SPIDR: variants seen among roughly 807,000 people sequenced by gnomAD.
SPIDR encodes scaffold protein involved in DNA repair, also known as DNA repair-scaffolding protein.
In SPIDR, 93 loss-of-function variants were observed where a neutral mutation model predicts 104.6. The observed-to-expected ratio is 0.89, with a 90% CI of 0.75 to 1.06. The LOEUF is 1.06. Ranked by LOEUF, SPIDR falls within the 50% of genes least tolerant of loss-of-function variation. SPIDR has a pLI of 0.00. For synonymous variants in SPIDR, 431 were observed against 416.9 expected (o/e 1.03, Z -0.41); for missense variants, 1,154 against 1,111.2 (o/e 1.04, Z -0.55).
intron 14 of SPIDR, among the ~76,000 whole-genome samples, chr8:47,702,787 C>T (rs1201798064): frequency 6.6e-6 from 1 of 152,142 alleles, no homozygotes; most frequent in Non-Finnish European, 1.5e-5. Flanking sequence ...AGAGTGAGTG[C>T]CCCACACATT....
chr8:47,374,528 A>G (rs2058423586), intron 5 of SPIDR, among the ~76,000 whole-genome samples: 1 of 152,194 alleles, frequency 6.6e-6, no homozygotes, highest in African/African-American at 2.4e-5. Flanking sequence ...TTGCATATGT[A>G]GTTTTAAGTC....
At chr8:47,278,788 A>G (rs2037117486) in intron 1 of SPIDR, among the ~76,000 whole-genome samples, 1 of 152,088 alleles carries the variant, frequency 6.6e-6, no homozygotes, top group African/African-American at 2.4e-5. Context: ...TTTTTCCCTA[A>G]TAATAATTAT....
chr8:47,283,094 G>A (rs1333662493), intron 2 of SPIDR, among the ~76,000 whole-genome samples: 1 of 152,176 alleles, frequency 6.6e-6, no homozygotes, highest in African/African-American at 2.4e-5. Flanking sequence ...GATCTCAGGT[G>A]ATTTACTTGC....
intron 8 of SPIDR, among the ~76,000 whole-genome samples, chr8:47,492,454 AC>A (rs1308881114): frequency 6.6e-6 from 1 of 152,188 alleles, no homozygotes; most frequent in Non-Finnish European, 1.5e-5. Flanking sequence ...CACTTCTTGC[AC>A]CCTGCTGATT....
chr8:47,372,160 A>T (rs1213900850), intron 5 of SPIDR, among the ~76,000 whole-genome samples: 3 of 152,082 alleles, frequency 2.0e-5, no homozygotes, highest in African/African-American at 7.2e-5. Context: ...GATGTTTTTG[A>T]TGTATTTGCC....
At chr8:47,447,270 G>A (rs1388791259) in intron 8 of SPIDR, among the ~76,000 whole-genome samples, 8 of 152,184 alleles carry the variant, frequency 5.3e-5, no homozygotes, top group African/African-American at 1.9e-4. Context: ...CTGAAGCGCA[G>A]TGGCACAGTC....
intron 5 of SPIDR, among the ~76,000 whole-genome samples, chr8:47,358,658 C>G (rs184965275): frequency 2.6e-5 from 4 of 152,336 alleles, no homozygotes; most frequent in Non-Finnish European, 5.9e-5. Context: ...TATTTCTAAA[C>G]ATGGCATGGC....
chr8:47,593,205 T>A (rs2061262244), intron 8 of SPIDR, among the ~76,000 whole-genome samples: 1 of 152,086 alleles, frequency 6.6e-6, no homozygotes, highest in Non-Finnish European at 1.5e-5. Context: ...ACTTTTTTTT[T>A]AAGTCTGTTT....
At chr8:47,545,071 T>TTTTC (rs566816481) in intron 8 of SPIDR, among the ~76,000 whole-genome samples, 4,232 of 124,698 alleles carry the variant, frequency 0.034, 96 homozygotes, top group Middle Eastern at 0.063. Flanking sequence ...TCTTTTTATC[T>TTTTC]TTTCTTTCTT....
chr8:47,309,969 G>A (rs587642065), intron 5 of SPIDR, among the ~76,000 whole-genome samples: 7 of 151,508 alleles, frequency 4.6e-5, no homozygotes, highest in African/African-American at 1.7e-4. Context: ...AACCCGGGAG[G>A]CAGAGCTTGC....
In SPIDR at chr8:47,673,901, C is replaced by T. The variant is rs762683983; in HGVS notation, c.1645C>T (p.Leu549=). Residue 549 remains leucine, a synonymous_variant, in exon 11 of 20, where the codon CTG becomes TTG. Coordinates refer to ENST00000297423, the MANE Select transcript of SPIDR (RefSeq NM_001080394.4). ...ARQLEGKSCS[L]VGMKVLQKVT... The stretch of plus-strand genomic sequence containing the variant: ...ACAGTTGGAAGGGAAGTCTTGCAGC[C>T]TGGTGGGAATGAAGGTTCTACAGAA... 1.2e-6 allele frequency: 2 copies of T among 1,614,120 alleles called. No individual in the cohort carries two copies. The highest frequency in any genetic ancestry group is 2.2e-5 in the South Asian group (2 of 91,082).
At chr8:47,377,289 A>G (rs562839362) in intron 5 of SPIDR, among the ~76,000 whole-genome samples, 6 of 152,370 alleles carry the variant, frequency 3.9e-5, no homozygotes, top group South Asian at 2.1e-4. Flanking sequence ...AATTAATACA[A>G]TCCGATAAAC....
chr8:47,475,866 G>A (rs576011845), intron 8 of SPIDR, among the ~76,000 whole-genome samples: 3 of 152,268 alleles, frequency 2.0e-5, no homozygotes, highest in East Asian at 3.9e-4. Flanking sequence ...AGTTGTGGGA[G>A]GTTTGATACA....
intron 5 of SPIDR, among the ~76,000 whole-genome samples, chr8:47,312,326 A>T (rs2044345729): frequency 6.6e-6 from 1 of 152,134 alleles, no homozygotes; most frequent in East Asian, 1.9e-4. Flanking sequence ...ACTAGTTTAC[A>T]CTCCCACCAA....
intron 16 of SPIDR, 126 bp from the exon 17 acceptor site, chr8:47,727,074 T>C: frequency 1.5e-6 from 1 of 675,410 alleles, no homozygotes; most frequent in Non-Finnish European, 2.6e-6. Flanking sequence ...TAGGAACATG[T>C]ATATAAACTC....
rs34970317 is a variant in SPIDR, at chr8:47,466,900, A to AAATAT, written c.1097+26359_1097+26360insATATA. Among the ~76,000 whole-genome samples, 228 of 114,322 alleles carry AAATAT rather than the reference A, an allele frequency of 2.0e-3. 3 individuals are homozygous for AAATAT. The highest frequency in any genetic ancestry group is 3.7e-3 in the African/African-American group (102 of 27,940). 75.0% of individuals were successfully genotyped at this position (114,322 alleles called of 152,430 possible). On this transcript the variant is annotated intron_variant, in intron 8 of 19. Transcript: ENST00000297423. The stretch of plus-strand genomic sequence containing the variant: ...TTAGTTTTTTTTGAAAAAAAAAAAA[A>AAATAT]ATATATATATATATAGATAGATAGA...
At chr8:47,402,436 C>T (rs782655824) in intron 6 of SPIDR, among the ~76,000 whole-genome samples, 6 of 151,900 alleles carry the variant, frequency 3.9e-5, no homozygotes, top group African/African-American at 9.7e-5. Context: ...AAAAGATGAA[C>T]GAAATTGATA....
intron 5 of SPIDR, among the ~76,000 whole-genome samples, chr8:47,312,836 A>C (rs1273852298): frequency 6.6e-6 from 1 of 152,162 alleles, no homozygotes; most frequent in Admixed American, 6.5e-5. Flanking sequence ...GTTTTCTTCT[A>C]GGGTTTTTAT....
chr8:47,590,158 A>G (rs1237940403), intron 8 of SPIDR, among the ~76,000 whole-genome samples: 1 of 150,840 alleles, frequency 6.6e-6, no homozygotes, highest in Non-Finnish European at 1.5e-5. Flanking sequence ...CAGGTGACAG[A>G]GCAAGACTCT....
Sources: gnomAD v4.1 joint callset for allele counts (sites outside exome capture counted in the v4.1 genomes callset) on GRCh38, gnomAD v4.1.1 for gene constraint, MANE v1.5 for transcripts, NCBI Gene and HGNC (gene_info 2026-07-23, HGNC 2026-07-21) for gene names.